ZNF718: variants seen among roughly 807,000 people sequenced by gnomAD.
ZNF718 encodes zinc finger protein 718.
ZNF718 carries 3 observed loss-of-function variants against 2.6 expected under a neutral mutation model. The ratio of observed to expected loss-of-function variants is 1.16; its 90% CI spans 0.53 to 3.01. The LOEUF (loss-of-function observed/expected upper bound fraction) is 3.01, where lower values mean the gene tolerates loss of function less well. Ranked by LOEUF, ZNF718 falls within the 30% of genes most tolerant of loss-of-function variation. ZNF718 has a pLI of 0.03. For missense variants in ZNF718, 468 were observed against 230.0 expected (o/e 2.03, Z -6.69); for synonymous variants, 135 against 77.9 (o/e 1.73, Z -3.86).
At chr4:198,383 A>C (rs1373389474) in intron 3 of ZNF718, among the ~76,000 whole-genome samples, 1 of 152,166 alleles carries the variant, frequency 6.6e-6, no homozygotes, top group Non-Finnish European at 1.5e-5. Flanking sequence ...AAGGAGAACA[A>C]GACCCCCTCA....
At chr4:196,270 T>C (rs1353044325) in intron 3 of ZNF718, among the ~76,000 whole-genome samples, 3 of 152,080 alleles carry the variant, frequency 2.0e-5, no homozygotes, top group Non-Finnish European at 4.4e-5. Context: ...ATTTACAAAC[T>C]TGGGGCCCTG....
chr4:167,524 A>C (rs1440307657), downstream of ZNF718, among the ~76,000 whole-genome samples: 1 of 152,038 alleles, frequency 6.6e-6, no homozygotes, highest in African/African-American at 2.4e-5. Context: ...GTTTTATTTC[A>C]TTGAGCAGTG....
At chr4:188,812 G>A (rs192178895) in intron 3 of ZNF718, among the ~76,000 whole-genome samples, 10 of 152,232 alleles carry the variant, frequency 6.6e-5, no homozygotes, top group South Asian at 2.1e-4. Flanking sequence ...GGGGCTGGGC[G>A]TTTTGTTGGC....
At chr4:169,552 A>G (rs1717172979) in intron 3 of ZNF718, among the ~76,000 whole-genome samples, 1 of 152,176 alleles carries the variant, frequency 6.6e-6, no homozygotes, top group African/African-American at 2.4e-5. Flanking sequence ...GGGTGCATAT[A>G]TATTTAGGAT....
At chr4:148,150 G>A (rs578036539) in intron 3 of ZNF718, among the ~76,000 whole-genome samples, 3 of 152,250 alleles carry the variant, frequency 2.0e-5, no homozygotes, top group South Asian at 2.1e-4. Context: ...AGACTCTAGC[G>A]GACAGGGAAT....
At chr4:134,992 C>T (rs1715494804) in intron 3 of ZNF718, among the ~76,000 whole-genome samples, 1 of 152,014 alleles carries the variant, frequency 6.6e-6, no homozygotes, top group African/African-American at 2.4e-5. Flanking sequence ...GACCGTAATC[C>T]CAGTACTTTG....
intron 3 of ZNF718, among the ~76,000 whole-genome samples, chr4:141,171 T>G (rs535372655): frequency 9.5e-5 from 12 of 126,334 alleles, no homozygotes; most frequent in South Asian, 2.5e-4. Context: ...GAAAGGGTTA[T>G]GTTATTCATG....
chr4:174,430 C>T (rs1717307870), intron 3 of ZNF718, among the ~76,000 whole-genome samples: 1 of 152,204 alleles, frequency 6.6e-6, no homozygotes, highest in Non-Finnish European at 1.5e-5. Flanking sequence ...TTCCCAGGCC[C>T]TCCAACAGGA....
chr4:191,309 T>C (rs983093001), intron 3 of ZNF718, among the ~76,000 whole-genome samples: 14 of 151,724 alleles, frequency 9.2e-5, no homozygotes, highest in Non-Finnish European at 1.8e-4. Context: ...CCACGACACC[T>C]GGCTAATTTT....
intron 3 of ZNF718, among the ~76,000 whole-genome samples, chr4:181,735 G>A (rs1401881538): frequency 6.6e-6 from 1 of 152,056 alleles, no homozygotes; most frequent in Non-Finnish European, 1.5e-5. Context: ...TGTGTGCCAT[G>A]GTGGTTTGCT....
intron 1 of ZNF718, among the ~76,000 whole-genome samples, chr4:126,594 T>C (rs782553937): frequency 3.3e-5 from 5 of 152,204 alleles, no homozygotes; most frequent in Non-Finnish European, 7.3e-5. Context: ...TTTTGAATAT[T>C]ACCAATTAGA....
chr4:170,228 G>C (rs1265361661), intron 3 of ZNF718, among the ~76,000 whole-genome samples: 1 of 152,166 alleles, frequency 6.6e-6, no homozygotes, highest in African/African-American at 2.4e-5. Context: ...CTGTTAGTCT[G>C]ATGGGCTTCC....
At chr4:142,901 A>G (rs1384286401) in intron 3 of ZNF718, among the ~76,000 whole-genome samples, 5 of 152,092 alleles carry the variant, frequency 3.3e-5, no homozygotes, top group African/African-American at 9.7e-5. Context: ...AGTAAGGAGC[A>G]TACTGTGAAC....
intron 3 of ZNF718, among the ~76,000 whole-genome samples, chr4:183,716 C>T (rs1717510810): frequency 6.6e-6 from 1 of 152,106 alleles, no homozygotes; most frequent in African/African-American, 2.4e-5. Flanking sequence ...TGAAGAGGTC[C>T]TTCACTTCCC....
chr4:143,747 A>C (rs916117008), intron 3 of ZNF718, among the ~76,000 whole-genome samples: 10 of 152,174 alleles, frequency 6.6e-5, no homozygotes, highest in African/African-American at 2.2e-4. Flanking sequence ...TTCACTGATC[A>C]TGCAGTGAAA....
At chr4:173,866 A>T (rs1327859703) in intron 3 of ZNF718, among the ~76,000 whole-genome samples, 1 of 152,160 alleles carries the variant, frequency 6.6e-6, no homozygotes, top group Non-Finnish European at 1.5e-5. Context: ...CAGCTAGGGG[A>T]CTGTACCACT....
intron 3 of ZNF718, among the ~76,000 whole-genome samples, chr4:175,279 C>T (rs1315204035): frequency 2.0e-5 from 3 of 152,188 alleles, no homozygotes; most frequent in East Asian, 3.9e-4. Context: ...CAACTAACCT[C>T]TTTACAAAAG....
intron 3 of ZNF718, chr4:142,000 T>C (rs781802514): frequency 3.8e-6 from 2 of 519,732 alleles, no homozygotes; most frequent in East Asian, 1.1e-4. Context: ...TAAAAAAGCT[T>C]TTTATGGTTT....
intron 3 of ZNF718, among the ~76,000 whole-genome samples, chr4:133,195 A>AAAAAATATATATAT (rs1258303094): frequency 4.8e-5 from 1 of 20,774 alleles, no homozygotes; most frequent in African/African-American, 1.7e-4. Flanking sequence ...AAAAAAAAAA[A>AAAAAATATATATAT]ATATATATAT....
Sources: gnomAD v4.1 joint callset for allele counts (sites outside exome capture counted in the v4.1 genomes callset) on GRCh38, gnomAD v4.1.1 for gene constraint, MANE v1.5 for transcripts, NCBI Gene and HGNC (gene_info 2026-07-23, HGNC 2026-07-21) for gene names.